The following PDE10A variants were observed in gnomAD, a reference collection of about 807,000 sequenced individuals.
PDE10A encodes the protein cAMP and cAMP-inhibited cGMP 3',5'-cyclic phosphodiesterase 10A.
In PDE10A, 39 loss-of-function variants were observed where a neutral mutation model predicts 97.7. The ratio of observed to expected loss-of-function variants is 0.40; its 90% CI spans 0.31 to 0.52. PDE10A has a LOEUF of 0.52. Among genes scored for constraint, PDE10A ranks in the 20% least tolerant of loss-of-function variants. The pLI, the probability that PDE10A is intolerant of heterozygous loss-of-function variation, is 0.56. For synonymous variants in PDE10A, 371 were observed against 376.8 expected, an observed-to-expected ratio of 0.98 and a Z score of 0.18; for missense variants, 731 against 1,047.8, an observed-to-expected ratio of 0.70 and a Z score of 4.17.
intron 7 of PDE10A, 117 bp from the exon 8 acceptor site, chr6:165,431,589 A>AT: frequency 6.8e-6 from 2 of 294,366 alleles, no homozygotes; most frequent in Non-Finnish European, 1.2e-5. Flanking sequence ...TACTATATAT[A>AT]GTATACTATA....
intron 3 of PDE10A, among the ~76,000 whole-genome samples, chr6:165,478,922 G>A (rs1247057003): frequency 2.0e-5 from 3 of 152,150 alleles, no homozygotes; most frequent in Non-Finnish European, 4.4e-5. Flanking sequence ...TGACCTGGAT[G>A]CTACCTGGCC....
chr6:165,711,444 C>T lies in PDE10A; in HGVS notation c.-614-167876G>A, dbSNP rs561223282. Among the ~76,000 whole-genome samples the T allele has an allele frequency of 6.6e-6, 1 of 152,220 alleles. No homozygotes were observed. Among genetic ancestry groups the T allele is most frequent in the South Asian group, 2.1e-4 (1 of 4,822 alleles). On this transcript the variant is annotated intron_variant, in intron 1 of 19. Transcript: ENST00000366882. This position sits in a 1 kb window ranked among gnomAD's most constrained non-coding sequence, Gnocchi z 4.5. ...CAGAAATTCATGTTAGCTAGAACAC[C>T]CTGCTTCTGGTCTTGTCTGGTGGAC...
intron 18 of PDE10A, among the ~76,000 whole-genome samples, chr6:165,366,980 GA>G (rs1783813660): frequency 6.6e-6 from 1 of 152,086 alleles, no homozygotes; most frequent in Admixed American, 6.6e-5. Context: ...GCCATGTAAA[GA>G]AACTGAAAAA....
At chr6:165,578,153 C>A (rs909278375) in intron 1 of PDE10A, among the ~76,000 whole-genome samples, 4 of 152,296 alleles carry the variant, frequency 2.6e-5, no homozygotes, top group African/African-American at 9.6e-5. Context: ...TCCAGATGCT[C>A]AGGGCGGCCA....
chr6:165,977,355 C>T (rs931091036), intron 1 of PDE10A, among the ~76,000 whole-genome samples: 1 of 152,332 alleles, frequency 6.6e-6, no homozygotes, highest in South Asian at 2.1e-4. Flanking sequence ...GAAACCCACA[C>T]TACCAGCAAA....
chr6:165,334,839 T>C (rs769876632), intron 21 of PDE10A, among the ~76,000 whole-genome samples: 1 of 152,010 alleles, frequency 6.6e-6, no homozygotes. Flanking sequence ...ATATTATATA[T>C]ATAAAATTTT....
At chr6:165,457,576 T>C (rs1366619948) in intron 3 of PDE10A, among the ~76,000 whole-genome samples, 1 of 152,138 alleles carries the variant, frequency 6.6e-6, no homozygotes, top group East Asian at 1.9e-4. Flanking sequence ...ATATATAACA[T>C]ACGTCAAGCT....
chr6:165,646,693 ACCCACCTGCTC>A (rs1466418262), intron 1 of PDE10A, among the ~76,000 whole-genome samples: 1 of 152,154 alleles, frequency 6.6e-6, no homozygotes, highest in Non-Finnish European at 1.5e-5. Flanking sequence ...CGGCATCGCC[ACCCACCTGCTC>A]CCCTGCTGCT....
intron 1 of PDE10A, among the ~76,000 whole-genome samples, chr6:165,573,078 C>G (rs537095435): frequency 6.6e-6 from 1 of 152,126 alleles, no homozygotes; most frequent in African/African-American, 2.4e-5. Context: ...ATTTTCAGGT[C>G]TTTCATCCTG....
chr6:165,780,449 A>G (rs1380565635), intron 1 of PDE10A: 2 of 152,232 alleles, frequency 1.3e-5, no homozygotes, highest in Non-Finnish European at 2.9e-5. Context: ...AAATACTTAT[A>G]AAAGTGTTAG....
At chr6:165,688,387 C>A (rs1791181080) in intron 1 of PDE10A, among the ~76,000 whole-genome samples, 1 of 152,134 alleles carries the variant, frequency 6.6e-6, no homozygotes, top group Admixed American at 6.5e-5. Context: ...ATCTCCACCC[C>A]TTCTAATATT....
At position 165,788,910 on chromosome 6, in the gene PDE10A, A is replaced by G. The variant is rs139461100; in HGVS notation, c.-615+198619T>C. Among the ~76,000 whole-genome samples, 397 of 152,124 alleles carry G rather than the reference A, an allele frequency of 2.6e-3. 1 individual carries two copies. The highest frequency in any genetic ancestry group is 4.9e-3 in the Non-Finnish European group (335 of 68,006). On this transcript the variant is annotated intron_variant, in intron 1 of 19. Transcript: ENST00000366882. The stretch of plus-strand genomic sequence containing the variant: ...CAAATGGAAGCCAAGTGCGTGCACC[A>G]CCCCCAGTGTGTGCACCATCCCCAG...
At position 165,459,514 on chromosome 6, in the gene PDE10A, TAGATAGATAGACAGACAGACAGACAGAC is replaced by T. The variant is rs1304945213; in HGVS notation, c.1024-9180_1024-9153del. On this transcript the variant is annotated intron_variant, in intron 3 of 21. Transcript: ENST00000539869. ...TTAGATAGATAGATAGATAGATAGA[TAGATAGATAGACAGACAGACAGACAGAC>T]AGACAGACAGACAGACAGATAGATA... 3.9e-3 allele frequency among the ~76,000 whole-genome samples: 251 copies of T among 64,190 alleles called. 1 individual carries two copies. Among genetic ancestry groups the T allele is most frequent in the African/African-American group, 0.018 (235 of 13,244 alleles). 42.1% of individuals were successfully genotyped at this position (64,190 alleles called of 152,430 possible). A position where few individuals can be genotyped will look rare whatever the true frequency, so the allele number is the denominator to read the frequency against.
intron 1 of PDE10A, among the ~76,000 whole-genome samples, chr6:165,714,814 G>A (rs539634458): frequency 1.3e-5 from 2 of 152,376 alleles, no homozygotes; most frequent in South Asian, 2.1e-4. Flanking sequence ...CAAAGTGGTG[G>A]CGGATTGTGG....
intron 1 of PDE10A, among the ~76,000 whole-genome samples, chr6:165,955,245 A>T (rs1326392457): frequency 6.6e-6 from 1 of 152,162 alleles, no homozygotes; most frequent in African/African-American, 2.4e-5. Context: ...TGCACAGAGG[A>T]CAGAGAAGGC....
At chr6:165,825,702 A>G (rs2128470007) in intron 1 of PDE10A, among the ~76,000 whole-genome samples, 1 of 152,314 alleles carries the variant, frequency 6.6e-6, no homozygotes, top group South Asian at 2.1e-4. Flanking sequence ...GACTCCAGCC[A>G]TGGCTCCTGT....
chr6:165,673,249 G>T (rs1035223066), intron 1 of PDE10A, among the ~76,000 whole-genome samples: 1 of 152,232 alleles, frequency 6.6e-6, no homozygotes, highest in African/African-American at 2.4e-5. Context: ...AGATTCCCAT[G>T]AATGGTTAAC....
intron 1 of PDE10A, among the ~76,000 whole-genome samples, chr6:165,596,073 C>T (rs779453728): frequency 1.1e-4 from 16 of 152,256 alleles, no homozygotes; most frequent in East Asian, 3.9e-4. Flanking sequence ...AAAGGAGAAA[C>T]GATACCTTTA....
intron 1 of PDE10A, among the ~76,000 whole-genome samples, chr6:165,723,848 TG>T (rs1386330377): frequency 1.2e-5 from 1 of 84,496 alleles, no homozygotes; most frequent in African/African-American, 6.1e-5. Flanking sequence ...AAGATAAAGG[TG>T]TTTTTTTTTT....
Sources: allele counts gnomAD v4.1 joint callset (sites outside exome capture counted in the v4.1 genomes callset), GRCh38; gene constraint gnomAD v4.1.1; non-coding constraint Gnocchi (gnomAD v3.1); transcripts MANE v1.5; gene names NCBI Gene and HGNC (gene_info 2026-07-23, HGNC 2026-07-21).